Variants in SYT16 observed in about 807,000 individuals in gnomAD.
SYT16 encodes the protein synaptotagmin-16.
Under a neutral mutation model 61.4 loss-of-function variants are expected in SYT16, and 42 were observed. The observed-to-expected ratio is 0.68, with a 90% CI of 0.53 to 0.89. The LOEUF is 0.89. Ranked by LOEUF, SYT16 falls within the 40% of genes least tolerant of loss-of-function variation. The pLI, the probability that SYT16 is intolerant of heterozygous loss-of-function variation, is 0.00. For missense variants in SYT16, 804 were observed against 807.3 expected (o/e 1.00, Z 0.05); for synonymous variants, 314 against 302.3 (o/e 1.04, Z -0.40).
chr14:61,834,636 C>T (rs1022853915), intron 1 of SYT16, among the ~76,000 whole-genome samples: 1 of 151,852 alleles, frequency 6.6e-6, no homozygotes, highest in African/African-American at 2.4e-5. Flanking sequence ...GGGGTTTCAC[C>T]ATGTTGGCCA....
intron 1 of SYT16, among the ~76,000 whole-genome samples, chr14:61,818,525 A>G (rs2045512610): frequency 6.6e-6 from 1 of 152,044 alleles, no homozygotes; most frequent in African/African-American, 2.4e-5. Flanking sequence ...TAAAATTACA[A>G]AAATTAGCAG....
chr14:62,063,393 A>G (rs1484335060), intron 3 of SYT16, among the ~76,000 whole-genome samples: 1 of 152,244 alleles, frequency 6.6e-6, no homozygotes, highest in Admixed American at 6.5e-5. Context: ...AGTATACCAT[A>G]TGCCAGACAT....
intron 3 of SYT16, among the ~76,000 whole-genome samples, chr14:62,053,716 G>A (rs1165399195): frequency 6.6e-6 from 1 of 152,080 alleles, no homozygotes; most frequent in African/African-American, 2.4e-5. Context: ...GGGGAGTCAC[G>A]ACTACATAAA....
At chr14:62,092,193 C>G (rs968928223) in intron 7 of SYT16, among the ~76,000 whole-genome samples, 4 of 100,486 alleles carry the variant, frequency 4.0e-5, no homozygotes, top group African/African-American at 1.3e-4. Context: ...CACACACACA[C>G]ACACACACAC....
chr14:61,852,013 A>G (rs1235956141), intron 1 of SYT16, among the ~76,000 whole-genome samples: 1 of 152,078 alleles, frequency 6.6e-6, no homozygotes, highest in Non-Finnish European at 1.5e-5. Flanking sequence ...TATATCCTGT[A>G]TTGCCTAGAT....
chr14:61,910,805 A>G (rs920410499), intron 1 of SYT16, among the ~76,000 whole-genome samples: 3 of 152,230 alleles, frequency 2.0e-5, no homozygotes, highest in African/African-American at 7.2e-5. Flanking sequence ...TTGGGATTAC[A>G]GGCGTGAGCC....
At chr14:62,070,224 A>G (rs2056246751) in intron 4 of SYT16, among the ~76,000 whole-genome samples, 1 of 152,242 alleles carries the variant, frequency 6.6e-6, no homozygotes, top group Non-Finnish European at 1.5e-5. Flanking sequence ...AGTTTTCCAC[A>G]TATCTGTATA....
chr14:62,016,512 T>C (rs2053684389), intron 3 of SYT16, among the ~76,000 whole-genome samples: 1 of 139,158 alleles, frequency 7.2e-6, no homozygotes, highest in Non-Finnish European at 1.5e-5. Context: ...GCTAACACGG[T>C]GTGAAACCCT....
chr14:62,058,709 C>A (rs566624179), intron 3 of SYT16, among the ~76,000 whole-genome samples: 3 of 152,050 alleles, frequency 2.0e-5, no homozygotes, highest in Admixed American at 6.6e-5. Context: ...GTAGTTTTAT[C>A]ATTTTACATT....
In SYT16 at chr14:61,860,732, T is replaced by C. The variant is rs563394669; in HGVS notation, c.-325+47922T>C. Among the ~76,000 whole-genome samples, 20 of 152,302 alleles carry C rather than the reference T, an allele frequency of 1.3e-4. 1 individual carries two copies. The highest frequency in any genetic ancestry group is 6.2e-4 in the South Asian group (3 of 4,826). On this transcript the variant is annotated intron_variant, in intron 1 of 7. Transcript: ENST00000683842. ...AAAGTAGAAAGATTGCTGCACTACA[T>C]TGAGGATCCACCTGAGGCTTGAGGC... is the stretch of plus-strand genomic sequence containing the variant.
Position 62,110,713 on chromosome 14 carries a change from G to A in SYT16, c.*10006G>A, listed in dbSNP as rs2057593196. 6.6e-6 allele frequency: 1 copy of A among 151,952 alleles called. No individual in the cohort carries two copies. Among genetic ancestry groups the A allele is most frequent in the South Asian group, 2.1e-4 (1 of 4,830 alleles). 9.4% of individuals were successfully genotyped at this position (151,952 alleles called of 1,614,324 possible). On this transcript the variant is annotated 3_prime_UTR_variant, in exon 8 of 8. Coordinates refer to ENST00000683842, the MANE Select transcript of SYT16 (RefSeq NM_001367656.1). ...ATCATGTAACAAACTGCAAATCCAT[G>A]TTTTCAGCAGGTTCGCCAACCTTTG...
At chr14:62,066,135 A>C (rs1360915771) in intron 3 of SYT16, among the ~76,000 whole-genome samples, 1 of 152,178 alleles carries the variant, frequency 6.6e-6, no homozygotes, top group African/African-American at 2.4e-5. Context: ...AAGACCTGGG[A>C]GATGATCCAG....
chr14:62,054,310 T>A (rs1436235055), intron 3 of SYT16, among the ~76,000 whole-genome samples: 6 of 147,716 alleles, frequency 4.1e-5, no homozygotes, highest in African/African-American at 1.5e-4. Context: ...ATTGTATGAT[T>A]TTTTTTTTTT....
In SYT16 at chr14:61,943,441, T is replaced by G. The variant is rs529255888; in HGVS notation, c.-324-26691T>G. On this transcript the variant is annotated intron_variant, in intron 1 of 7. Transcript: ENST00000683842. The stretch of plus-strand genomic sequence containing the variant: ...TGAGATAAAACAAAAAAAGAAAATT[T>G]CAGGGCAATATCCCTCATGAACATT... Among the ~76,000 whole-genome samples, 3 of 152,266 alleles carry G rather than the reference T, an allele frequency of 2.0e-5. No individual in the cohort carries two copies. The South Asian group carries it at 6.2e-4, about 32-fold the overall frequency.
intron 2 of SYT16, among the ~76,000 whole-genome samples, chr14:61,991,330 TTGTGTG>T (rs71117861): frequency 1.6e-4 from 23 of 146,478 alleles, no homozygotes; most frequent in South Asian, 4.4e-4. Context: ...TGTTTTTCAT[TTGTGTG>T]TGTGTGTGTG....
chr14:61,920,922 T>C (rs1486522851), intron 1 of SYT16, among the ~76,000 whole-genome samples: 1 of 152,164 alleles, frequency 6.6e-6, no homozygotes, highest in African/African-American at 2.4e-5. Flanking sequence ...GATGTGACCC[T>C]TTACAGTCTG....
intron 1 of SYT16, among the ~76,000 whole-genome samples, chr14:61,968,007 T>C (rs1254486018): frequency 6.6e-6 from 1 of 152,034 alleles, no homozygotes; most frequent in Non-Finnish European, 1.5e-5. Flanking sequence ...ATGCCTGTAA[T>C]CCCAGCACTT....
chr14:62,098,323 T>A (rs2057330736), intron 7 of SYT16, among the ~76,000 whole-genome samples: 1 of 152,204 alleles, frequency 6.6e-6, no homozygotes, highest in South Asian at 2.1e-4. Context: ...CCCTAACATT[T>A]TGAGTTTTAA....
At chr14:61,906,711 T>A (rs61326308) in intron 1 of SYT16, among the ~76,000 whole-genome samples, 621 of 55,696 alleles carry the variant, frequency 0.011, 6 homozygotes, top group African/African-American at 0.026. Context: ...CCATCCATCC[T>A]TCCATCCATC....
Sources: gnomAD v4.1 joint callset for allele counts (sites outside exome capture counted in the v4.1 genomes callset) on GRCh38, gnomAD v4.1.1 for gene constraint, MANE v1.5 for transcripts, NCBI Gene and HGNC (gene_info 2026-07-23, HGNC 2026-07-21) for gene names.